Variants in EPHB2 observed in about 807,000 individuals in gnomAD.
The protein encoded by EPHB2 is EPH receptor B2, also known as ephrin type-B receptor 2.
In EPHB2, 18 loss-of-function variants were observed where a neutral mutation model predicts 96.4. That is an observed-to-expected ratio of 0.19 (90% confidence interval 0.13 to 0.28). The LOEUF (loss-of-function observed/expected upper bound fraction) is 0.28, where lower values mean the gene tolerates loss of function less well. Ranked by LOEUF, EPHB2 falls within the 10% of genes least tolerant of loss-of-function variation. EPHB2 has a pLI of 1.00. For synonymous variants in EPHB2, 506 were observed against 534.1 expected (o/e 0.95, Z 0.72); for missense variants, 989 against 1,355.4 (o/e 0.73, Z 4.25).
chr1:22,819,215 C>CTCTCTT (rs1645117251), intron 3 of EPHB2, among the ~76,000 whole-genome samples: 1 of 142,434 alleles, frequency 7.0e-6, no homozygotes, highest in African/African-American at 2.7e-5. Context: ...GTCTCTCTCT[C>CTCTCTT]TCTCTCTCTC....
At chr1:22,721,858 C>T (rs1174189244) in intron 1 of EPHB2, among the ~76,000 whole-genome samples, 1 of 151,952 alleles carries the variant, frequency 6.6e-6, no homozygotes, top group Non-Finnish European at 1.5e-5. Context: ...TCAAGCAGTC[C>T]TCCTTCTTCA....
chr1:22,791,748 T>G (rs1236700738), intron 3 of EPHB2, among the ~76,000 whole-genome samples: 1 of 152,242 alleles, frequency 6.6e-6, no homozygotes, highest in Admixed American at 6.5e-5. Context: ...CTCTGTTGAT[T>G]GACAGATAGA....
intron 1 of EPHB2, among the ~76,000 whole-genome samples, chr1:22,748,179 A>G (rs1255701153): frequency 6.6e-6 from 1 of 152,198 alleles, no homozygotes; most frequent in Non-Finnish European, 1.5e-5. Flanking sequence ...ATGTGTTTCC[A>G]CACGTGAAGC....
At chr1:22,720,663 C>G (rs1360087261) in intron 1 of EPHB2, among the ~76,000 whole-genome samples, 22 of 99,192 alleles carry the variant, frequency 2.2e-4, no homozygotes, top group Non-Finnish European at 4.0e-4. Flanking sequence ...ATCTCATTCC[C>G]CCCCCCCCCC....
intron 5 of EPHB2, among the ~76,000 whole-genome samples, chr1:22,877,018 C>A (rs368218081): frequency 4.2e-5 from 6 of 142,466 alleles, no homozygotes; most frequent in African/African-American, 1.5e-4. Context: ...TGGGGCGGGC[C>A]GGGTGGGTGG....
intron 3 of EPHB2, chr1:22,836,131 C>T (rs1645379819): frequency 6.6e-6 from 1 of 152,278 alleles, no homozygotes; most frequent in African/African-American, 2.4e-5. Context: ...ACAGAGCAGC[C>T]TCTCCAGAGG....
intron 3 of EPHB2, among the ~76,000 whole-genome samples, chr1:22,798,612 C>T (rs1026008979): frequency 2.6e-5 from 4 of 152,034 alleles, no homozygotes; most frequent in South Asian, 2.1e-4. Flanking sequence ...GGGAGCCCAC[C>T]GTGTGTCTGG....
chr1:22,789,265 G>A (rs978155102), intron 3 of EPHB2, among the ~76,000 whole-genome samples: 5 of 152,220 alleles, frequency 3.3e-5, no homozygotes, highest in South Asian at 2.1e-4. Context: ...GGTTTGAAAA[G>A]ATGCATTTAA....
At chr1:22,781,131 T>TA in intron 1 of EPHB2, among the ~76,000 whole-genome samples, 1 of 151,890 alleles carries the variant, frequency 6.6e-6, no homozygotes, top group East Asian at 1.9e-4. Flanking sequence ...CCGTCCTGGC[T>TA]AACACGGTGA....
intron 1 of EPHB2, among the ~76,000 whole-genome samples, chr1:22,734,080 T>C (rs1643772783): frequency 6.6e-6 from 1 of 152,194 alleles, no homozygotes; most frequent in African/African-American, 2.4e-5. Flanking sequence ...AGCTCTGCCC[T>C]GGGCCTCCCA....
intron 1 of EPHB2, among the ~76,000 whole-genome samples, chr1:22,754,930 T>TGAGGCGAGGGGCAGGGGAGGTGAGAC (rs1644124388): frequency 6.5e-5 from 1 of 15,470 alleles, no homozygotes; most frequent in Non-Finnish European, 1.4e-4. Context: ...GGAGGTGAGG[T>TGAGGCGAGGGGCAGGGGAGGTGAGAC]GAGGGGCAGG....
At chr1:22,774,754 AC>A in intron 1 of EPHB2, 1 of 327,670 alleles carries the variant, frequency 3.1e-6, no homozygotes, top group Non-Finnish European at 4.4e-6. Context: ...TAGGAACATC[AC>A]CCAGCTGCTG....
At chr1:22,829,166 C>T (rs1460768380) in intron 3 of EPHB2, among the ~76,000 whole-genome samples, 2 of 152,238 alleles carry the variant, frequency 1.3e-5, no homozygotes, top group Admixed American at 6.5e-5. Flanking sequence ...CTCCTCAGAG[C>T]GCTGGTGAAG....
At chr1:22,884,303 C>A (rs1378096094) in intron 6 of EPHB2, among the ~76,000 whole-genome samples, 1 of 151,546 alleles carries the variant, frequency 6.6e-6, no homozygotes, top group Non-Finnish European at 1.5e-5. Flanking sequence ...GTCAGGAGTT[C>A]GAGACCAGCC....
At chr1:22,825,761 G>A (rs182580053) in intron 3 of EPHB2, among the ~76,000 whole-genome samples, 91 of 152,362 alleles carry the variant, frequency 6.0e-4, no homozygotes, top group Admixed American at 3.3e-3. Context: ...TAGCTGAGGA[G>A]GCAGTGGCTG....
Position 22,912,524 on chromosome 1 carries a change from A to G in EPHB2, c.2777A>G (p.Lys926Arg), listed in dbSNP as rs767065635. The G allele has an allele frequency of 6.2e-7, 1 of 1,614,154 alleles. No homozygotes were observed. The highest frequency in any genetic ancestry group is 1.1e-5 in the South Asian group (1 of 91,080). Reference protein sequence around the residue: ...NTVDEWLEAIKMGQYKESFAN... With the variant: ...NTVDEWLEAIRMGQYKESFAN... ...GTGGACGAGTGGCTGGAGGCCATCAAGATGGGGCAGTACAAGGAGAGCTTC... is the reference window on the plus strand; with the variant it reads ...GTGGACGAGTGGCTGGAGGCCATCAGGATGGGGCAGTACAAGGAGAGCTTC... Residue 926 changes from lysine (K) to arginine (R), a missense_variant, in exon 15 of 16, where the codon AAG becomes AGG. Physicochemically the swap from Lys to Arg is conservative, Grantham distance 26 (BLOSUM62 2). Transcript: ENST00000374630.
Position 22,860,610 on chromosome 1 carries a change from G to A in EPHB2, c.812-2427G>A, listed in dbSNP as rs1645779334. ...GGGGAGAGAGAGCAGCCACCCACTGGCGGCCCCCCCGGGAATGCCCCGCAG... is the reference window on the plus strand; with the variant it reads ...GGGGAGAGAGAGCAGCCACCCACTGACGGCCCCCCCGGGAATGCCCCGCAG... On this transcript the variant is annotated intron_variant, in intron 3 of 15. Coordinates refer to ENST00000374630, the MANE Select transcript of EPHB2 (RefSeq NM_017449.5). The surrounding 1 kb of genome is among the most constrained non-coding windows in gnomAD (Gnocchi z 4.6). 6.6e-6 allele frequency among the ~76,000 whole-genome samples: 1 copy of A among 152,112 alleles called. No homozygotes were observed. Among genetic ancestry groups the A allele is most frequent in the South Asian group, 2.1e-4 (1 of 4,818 alleles).
intron 3 of EPHB2, among the ~76,000 whole-genome samples, chr1:22,849,345 T>C (rs969764200): frequency 2.6e-5 from 4 of 152,148 alleles, no homozygotes; most frequent in South Asian, 2.1e-4. Flanking sequence ...CATCGCGAGG[T>C]GTGTGTGTCA....
At chr1:22,732,657 C>T (rs942942628) in intron 1 of EPHB2, among the ~76,000 whole-genome samples, 1 of 152,144 alleles carries the variant, frequency 6.6e-6, no homozygotes, top group Non-Finnish European at 1.5e-5. Flanking sequence ...GACTGCCCCC[C>T]GGCCCCGCTT....
Sources: allele counts gnomAD v4.1 joint callset (sites outside exome capture counted in the v4.1 genomes callset), GRCh38; gene constraint gnomAD v4.1.1; non-coding constraint Gnocchi (gnomAD v3.1); transcripts MANE v1.5; gene names NCBI Gene and HGNC (gene_info 2026-07-23, HGNC 2026-07-21).